The following USP3 variants were observed in gnomAD, a reference collection of about 807,000 sequenced individuals.
USP3 encodes ubiquitin specific peptidase 3, also known as ubiquitin carboxyl-terminal hydrolase 3.
In USP3, 20 loss-of-function variants were observed where a neutral mutation model predicts 72.3. The ratio of observed to expected loss-of-function variants is 0.28; its 90% confidence interval spans 0.19 to 0.40. The LOEUF is 0.40. Ranked by LOEUF, USP3 falls within the 10% of genes least tolerant of loss-of-function variation. USP3 has a pLI of 1.00. For synonymous variants in USP3, 222 were observed against 225.3 expected (o/e 0.99, Z 0.13); for missense variants, 479 against 633.9 (o/e 0.76, Z 2.62).
chr15:63,532,474 C>T (rs1036141252), intron 1 of USP3, 173 bp from the exon 2 acceptor site: 4 of 686,056 alleles, frequency 5.8e-6, no homozygotes, highest in African/African-American at 3.6e-5. Flanking sequence ...AAATTCTTTT[C>T]AGTATAACTT....
At chr15:63,537,287 GGACTGGAGC>G in intron 3 of USP3, 131 bp downstream of exon 3, 1 of 1,090,426 alleles carries the variant, frequency 9.2e-7, no homozygotes, top group South Asian at 2.4e-5. Context: ...GATTCACGGA[GGACTGGAGC>G]CATTGGGAAC....
chr15:63,574,062 G>A lies in USP3; in HGVS notation c.925G>A (p.Val309Ile). ...TTTGTTTAGAAATGGAGCATCTACT[G>A]TTGTCACGGCTATATTCGGAGGCAT... is the stretch of plus-strand genomic sequence containing the variant. ...NKCCINGASTVVTAIFGGILQ... is the reference protein window; with the variant it reads ...NKCCINGASTIVTAIFGGILQ... Residue 309 changes from valine to isoleucine, a missense_variant, in exon 10 of 15, where the codon GTT (valine) becomes ATT (isoleucine). Val to Ile is a conservative substitution (Grantham distance 29, BLOSUM62 3). Transcript: ENST00000380324. The surrounding 1 kb of genome is among the most constrained non-coding windows in gnomAD (Gnocchi z 4.6). 1 of 1,589,516 alleles carries A rather than the reference G, an allele frequency of 6.3e-7. No homozygotes were observed. The highest frequency in any genetic ancestry group is 8.6e-7 in the Non-Finnish European group (1 of 1,166,714).
In USP3 at chr15:63,588,961, G is replaced by C. The variant is rs1287494033; in HGVS notation, c.1347G>C (p.Pro449=). Residue 449 remains proline, a synonymous_variant, in exon 14 of 15, where the codon CCG becomes CCC. Transcript: ENST00000380324. This position sits in a 1 kb window ranked among gnomAD's most constrained non-coding sequence, Gnocchi z 4.6. ...TTCTGTAGCCTGAGAACAGTGGCCC[G>C]GAGAGCTGCCTGTATGACCTCGCCG... The part of the protein sequence containing the change: ...CYLLEPENSG[P]ESCLYDLAAV... The C allele has an allele frequency of 1.2e-6, 2 of 1,613,978 alleles. No homozygotes were observed. Among genetic ancestry groups the C allele is most frequent in the African/African-American group, 1.3e-5 (1 of 74,920 alleles).
chr15:63,519,382 G>A (rs1396814118), intron 1 of USP3, among the ~76,000 whole-genome samples: 1 of 150,526 alleles, frequency 6.6e-6, no homozygotes, highest in Non-Finnish European at 1.5e-5. Context: ...TTTTTGAAGA[G>A]TTCATTTCAG....
At chr15:63,519,662 C>A (rs924720515) in intron 1 of USP3, among the ~76,000 whole-genome samples, 5 of 152,114 alleles carry the variant, frequency 3.3e-5, no homozygotes, top group African/African-American at 9.7e-5. Flanking sequence ...TATGTATATA[C>A]CTCGTTTCTT....
In USP3 at chr15:63,559,912, A is replaced by T; in HGVS notation, c.589A>T (p.Asn197Tyr). The change falls in exon 7 of 15, where the codon AAT (asparagine) becomes TAT (tyrosine). Residue 197 changes from asparagine (N) to tyrosine (Y), a missense_variant. Coordinates refer to ENST00000380324, the MANE Select transcript of USP3 (RefSeq NM_006537.4). ...FKELPAVELR[N>Y]GKTAGRRTYH... ...AGAACTGCCCGCCGTGGAGTTAAGG[A>T]ATGGGAAAACAGCAGGAAGGCGGAC... is the stretch of plus-strand genomic sequence containing the variant. 2 of 1,614,130 alleles carry T rather than the reference A, an allele frequency of 1.2e-6. No individual in the cohort carries two copies. The highest frequency in any genetic ancestry group is 1.7e-6 in the Non-Finnish European group (2 of 1,179,984).
At chr15:63,589,804 A>C (rs754645045) in intron 14 of USP3, among the ~76,000 whole-genome samples, 1 of 148,520 alleles carries the variant, frequency 6.7e-6, no homozygotes, top group Non-Finnish European at 1.5e-5. Flanking sequence ...CTGTGTTTCT[A>C]AAGACTGCCA....
rs62837460 is a variant in USP3 at position 63,529,179 on chromosome 15, T to G, written c.92-3468T>G. ...CCACACTTGGCAGGTAGTAAAGTGGTTTTTTTTTTTTTCTTTTTTTTGAGA... is the reference window on the plus strand; with the variant it reads ...CCACACTTGGCAGGTAGTAAAGTGGGTTTTTTTTTTTTCTTTTTTTTGAGA... On this transcript the variant is annotated intron_variant, in intron 1 of 14. Coordinates refer to ENST00000380324, the MANE Select transcript of USP3 (RefSeq NM_006537.4). This position sits in a 1 kb window ranked among gnomAD's most constrained non-coding sequence, Gnocchi z 4.2. The G allele has an allele frequency of 2.1e-5, 8 of 376,172 alleles. No individual in the cohort carries two copies. In the East Asian group the frequency reaches 5.5e-4, roughly 26 times the overall value. The allele number at this position is 376,172 out of a possible 1,614,324, so 23.3% of individuals were successfully genotyped here.
intron 5 of USP3, among the ~76,000 whole-genome samples, chr15:63,557,233 G>A (rs1435607843): frequency 6.6e-6 from 1 of 151,874 alleles, no homozygotes; most frequent in Non-Finnish European, 1.5e-5. Flanking sequence ...ACCACGCCTG[G>A]CTAATTTTTG....
chr15:63,571,011 T>C lies in USP3; in HGVS notation c.908+432T>C, dbSNP rs548599183. ...TTATGGACTTGAACTTTCCTAAAGTTTATCTGTTCTTTAATGAAATCGAGG... is the reference window on the plus strand; with the variant it reads ...TTATGGACTTGAACTTTCCTAAAGTCTATCTGTTCTTTAATGAAATCGAGG... On this transcript the variant is annotated intron_variant, in intron 9 of 14. Coordinates refer to ENST00000380324, the MANE Select transcript of USP3 (RefSeq NM_006537.4). Among the ~76,000 whole-genome samples the C allele has an allele frequency of 3.8e-4, 58 of 152,308 alleles. No individual in the cohort carries two copies. In the South Asian group the frequency reaches 0.012, roughly 32 times the overall value.
Position 63,553,623 on chromosome 15 carries a change from G to C in USP3, c.285-92G>C. 2 of 1,152,692 alleles carry C rather than the reference G, an allele frequency of 1.7e-6. No homozygotes were observed. Among genetic ancestry groups the C allele is most frequent in the Non-Finnish European group, 2.4e-6 (2 of 825,876 alleles). The allele number at this position is 1,152,692 out of a possible 1,614,324, so 71.4% of individuals were successfully genotyped here. ...GCAGTAACTGCCTGCAGAGCCATGT[G>C]ATCATCTTGGCAACAGCCAGACCTT... On this transcript the variant is annotated intron_variant, in intron 3 of 14. Coordinates refer to ENST00000380324, the MANE Select transcript of USP3 (RefSeq NM_006537.4). This position sits in a 1 kb window ranked among gnomAD's most constrained non-coding sequence, Gnocchi z 4.2.
intron 14 of USP3, among the ~76,000 whole-genome samples, chr15:63,589,870 A>G (rs1380774659): frequency 1.3e-5 from 2 of 148,364 alleles, no homozygotes; most frequent in Non-Finnish European, 2.9e-5. Flanking sequence ...AATAAAAGAT[A>G]AGCTCCTCCA....
intron 7 of USP3, among the ~76,000 whole-genome samples, chr15:63,562,497 G>T (rs376607742): frequency 7.9e-5 from 12 of 152,316 alleles, no homozygotes; most frequent in East Asian, 5.8e-4. Flanking sequence ...GAGTCTGGGG[G>T]TGCTAGTGAG....
intron 3 of USP3, among the ~76,000 whole-genome samples, chr15:63,542,957 G>A (rs2066267231): frequency 6.6e-6 from 1 of 152,134 alleles, no homozygotes; most frequent in Non-Finnish European, 1.5e-5. Context: ...GAAAGCCCAG[G>A]GGGACTCTAG....
chr15:63,559,013 G>A (rs1484839209), intron 6 of USP3, among the ~76,000 whole-genome samples: 1 of 152,212 alleles, frequency 6.6e-6, no homozygotes, highest in Non-Finnish European at 1.5e-5. Flanking sequence ...AGAGAGCCTT[G>A]TTCAGAGAGC....
At chr15:63,550,307 C>T (rs757570836) in intron 3 of USP3, among the ~76,000 whole-genome samples, 1 of 152,196 alleles carries the variant, frequency 6.6e-6, no homozygotes, top group African/African-American at 2.4e-5. Flanking sequence ...GATAAGCCAC[C>T]ATGCCCGGCC....
intron 1 of USP3, chr15:63,527,755 T>G (rs1475941598): frequency 6.6e-6 from 1 of 152,244 alleles, no homozygotes; most frequent in South Asian, 2.1e-4. Flanking sequence ...TCTGCTCCGG[T>G]CTCTCTTGAT....
At chr15:63,535,813 T>C (rs1055654231) in intron 2 of USP3, among the ~76,000 whole-genome samples, 3 of 152,196 alleles carry the variant, frequency 2.0e-5, no homozygotes, top group Admixed American at 2.0e-4. Context: ...GTGTTTTTCC[T>C]GGTGCAGTTA....
At chr15:63,551,330 C>T (rs2066433517) in intron 3 of USP3, 1 of 151,666 alleles carries the variant, frequency 6.6e-6, no homozygotes, top group Non-Finnish European at 1.5e-5. Context: ...TTGATTCTTT[C>T]TCAGCAGTAT....
Sources: gnomAD v4.1 joint callset for allele counts (sites outside exome capture counted in the v4.1 genomes callset) on GRCh38, gnomAD v4.1.1 for gene constraint, Gnocchi (gnomAD v3.1) non-coding constraint, MANE v1.5 for transcripts, NCBI Gene and HGNC (gene_info 2026-07-23, HGNC 2026-07-21) for gene names.